ACAD11: variants seen among roughly 807,000 people sequenced by gnomAD.
ACAD11 encodes acyl-Coenzyme A dehydrogenase family, member 11.
In ACAD11, 83 loss-of-function variants were observed where a neutral mutation model predicts 102.2. That is an observed-to-expected ratio of 0.81 (90% CI 0.68 to 0.97). The LOEUF (loss-of-function observed/expected upper bound fraction) is 0.97, where lower values mean the gene tolerates loss of function less well. Ranked by LOEUF, ACAD11 falls within the 50% of genes least tolerant of loss-of-function variation. ACAD11 has a pLI of 0.00. For missense variants in ACAD11, 901 were observed against 951.7 expected (o/e 0.95, Z 0.70); for synonymous variants, 324 against 319.8 (o/e 1.01, Z -0.14).
At chr3:132,605,896 G>C (rs914163705) in intron 11 of ACAD11, among the ~76,000 whole-genome samples, 2 of 152,152 alleles carry the variant, frequency 1.3e-5, no homozygotes, top group Non-Finnish European at 2.9e-5. Flanking sequence ...GCTAAAGACA[G>C]AATCCCTGCC....
At chr3:132,646,045 C>T (rs2107892047) in intron 1 of ACAD11, 1 of 150,770 alleles carries the variant, frequency 6.6e-6, no homozygotes, top group East Asian at 1.9e-4. Flanking sequence ...GGCGCGATCT[C>T]GGCTCACTGC....
intron 1 of ACAD11, among the ~76,000 whole-genome samples, chr3:132,657,863 T>C (rs1937890276): frequency 6.9e-6 from 1 of 143,918 alleles, no homozygotes; most frequent in South Asian, 2.2e-4. Context: ...AAAACACATA[T>C]TCCTTTTTTT....
intron 17 of ACAD11, among the ~76,000 whole-genome samples, chr3:132,565,147 TC>T (rs1170539628): frequency 6.6e-6 from 1 of 152,170 alleles, no homozygotes; most frequent in African/African-American, 2.4e-5. Context: ...CCACCACTCC[TC>T]ACACCAGCAA....
intron 13 of ACAD11, among the ~76,000 whole-genome samples, chr3:132,581,197 A>G (rs1484526469): frequency 6.6e-6 from 1 of 152,004 alleles, no homozygotes; most frequent in Non-Finnish European, 1.5e-5. Flanking sequence ...AGACTTCTCA[A>G]CAACCACCAG....
intron 17 of ACAD11, among the ~76,000 whole-genome samples, chr3:132,574,660 G>T (rs1377775057): frequency 6.6e-6 from 1 of 152,114 alleles, no homozygotes. Flanking sequence ...CATCACCACA[G>T]ATTTGACCTA....
chr3:132,617,411 T>C (rs1183478841), intron 11 of ACAD11, among the ~76,000 whole-genome samples: 1 of 152,196 alleles, frequency 6.6e-6, no homozygotes, highest in Non-Finnish European at 1.5e-5. Flanking sequence ...CCTTCCTTCA[T>C]CTTTTCAATT....
chr3:132,634,322 C>A (rs919430811), intron 5 of ACAD11, among the ~76,000 whole-genome samples: 17 of 152,178 alleles, frequency 1.1e-4, no homozygotes, highest in Non-Finnish European at 2.9e-5. Context: ...TCATCACTGG[C>A]TATCAGAGAA....
chr3:132,573,190 T>G (rs529423350), intron 17 of ACAD11, among the ~76,000 whole-genome samples: 1 of 152,110 alleles, frequency 6.6e-6, no homozygotes, highest in Non-Finnish European at 1.5e-5. Context: ...CCTTGGCCAT[T>G]TTTATGCTTG....
At chr3:132,580,212 TG>T (rs1401390944) in intron 13 of ACAD11, among the ~76,000 whole-genome samples, 2 of 152,106 alleles carry the variant, frequency 1.3e-5, no homozygotes, top group African/African-American at 4.8e-5. Flanking sequence ...TTCTTTTTTC[TG>T]ATTTATTATA....
chr3:132,633,673 T>C (rs928603200), intron 5 of ACAD11, among the ~76,000 whole-genome samples: 6 of 152,186 alleles, frequency 3.9e-5, no homozygotes, highest in African/African-American at 1.4e-4. Flanking sequence ...AAGGCTACAG[T>C]AACCAAAACA....
intron 2 of ACAD11, among the ~76,000 whole-genome samples, chr3:132,643,101 A>G (rs1940586999): frequency 6.6e-6 from 1 of 152,222 alleles, no homozygotes; most frequent in African/African-American, 2.4e-5. Flanking sequence ...ACAATATTTC[A>G]CATATTTTAT....
chr3:132,656,154 T>C lies in ACAD11; in HGVS notation c.149+3449A>G, dbSNP rs528804497. ...TTTTTCATTCTGTGTTATGTACAGC[T>C]GTAGCTGAATCATTTTCACTGTTGT... On this transcript the variant is annotated intron_variant, in intron 1 of 19. Coordinates refer to ENST00000264990, the MANE Select transcript of ACAD11 (RefSeq NM_032169.5). Among the ~76,000 whole-genome samples, 127 of 152,358 alleles carry C rather than the reference T, an allele frequency of 8.3e-4. 1 individual carries two copies. The highest frequency in any genetic ancestry group is 1.3e-3 in the Non-Finnish European group (91 of 68,040).
chr3:132,656,252 T>C (rs1170983659), intron 1 of ACAD11, among the ~76,000 whole-genome samples: 2 of 152,252 alleles, frequency 1.3e-5, no homozygotes, highest in Non-Finnish European at 2.9e-5. Flanking sequence ...TGTTGTTTCC[T>C]GGATTTTTGC....
At chr3:132,650,325 G>A (rs1374368466) in intron 1 of ACAD11, 4 of 152,158 alleles carry the variant, frequency 2.6e-5, no homozygotes, top group African/African-American at 9.7e-5. Flanking sequence ...ACCATGCTAG[G>A]TGCTTTGCTA....
chr3:132,626,544 T>TC, intron 9 of ACAD11, 147 bp downstream of exon 9: 1 of 839,908 alleles, frequency 1.2e-6, no homozygotes, highest in East Asian at 2.7e-5. Context: ...CTTTGTTCTA[T>TC]CGTGGCTTAG....
chr3:132,639,782 A>G, intron 4 of ACAD11, 126 bp from the exon 5 acceptor site: 1 of 809,972 alleles, frequency 1.2e-6, no homozygotes, highest in Non-Finnish European at 1.9e-6. Context: ...TGCTGGTGAT[A>G]CTCCTGTCAT....
At position 132,645,053 on chromosome 3, in the gene ACAD11, C is replaced by T. The variant is rs142633801; in HGVS notation, c.150-157G>A. On this transcript the variant is annotated intron_variant, in intron 1 of 19. Transcript: ENST00000264990. ...TATCAGCAGCTCACAACATGAATTT[C>T]TAGATGATATTAAAGCAGATGGCAA... Among the ~76,000 whole-genome samples, 107 of 152,296 alleles carry T rather than the reference C, an allele frequency of 7.0e-4. 3 individuals carry two copies. The South Asian group carries it at 0.02, about 28-fold the overall frequency.
At chr3:132,567,492 TAAATC>T in intron 17 of ACAD11, among the ~76,000 whole-genome samples, 1 of 151,816 alleles carries the variant, frequency 6.6e-6, no homozygotes, top group Non-Finnish European at 1.5e-5. Flanking sequence ...ACACTATAAA[TAAATC>T]AAAATGTAGT....
chr3:132,588,095 G>GA (rs1436134330), intron 13 of ACAD11, among the ~76,000 whole-genome samples: 1 of 152,092 alleles, frequency 6.6e-6, no homozygotes, highest in Admixed American at 6.5e-5. Flanking sequence ...GTCTAAAAAT[G>GA]AAAAACTCAC....
Sources: gnomAD v4.1 joint callset for allele counts (sites outside exome capture counted in the v4.1 genomes callset) on GRCh38, gnomAD v4.1.1 for gene constraint, MANE v1.5 for transcripts, NCBI Gene and HGNC (gene_info 2026-07-23, HGNC 2026-07-21) for gene names.